Variants in ARHGEF3 observed in about 807,000 individuals in gnomAD.
The protein encoded by ARHGEF3 is 59.8 kDA protein.
Under a neutral mutation model 63.2 loss-of-function variants are expected in ARHGEF3, and 28 were observed. The observed-to-expected ratio is 0.44, with a 90% CI of 0.33 to 0.61. The LOEUF (loss-of-function observed/expected upper bound fraction) is 0.61, where lower values mean the gene tolerates loss of function less well. Ranked by LOEUF, ARHGEF3 falls within the 20% of genes least tolerant of loss-of-function variation. The pLI, the probability that ARHGEF3 is intolerant of heterozygous loss-of-function variation, is 0.03. For missense variants in ARHGEF3, 533 were observed against 659.3 expected, an observed-to-expected ratio of 0.81 and a Z score of 2.10; for synonymous variants, 266 against 254.2, an observed-to-expected ratio of 1.05 and a Z score of -0.44.
intron 4 of ARHGEF3, among the ~76,000 whole-genome samples, chr3:56,854,897 G>A (rs988801549): frequency 1.6e-4 from 24 of 152,190 alleles, no homozygotes; most frequent in African/African-American, 5.5e-4. Context: ...CACAAGAAGG[G>A]GTAACTGCAA....
chr3:56,882,952 C>T (rs1053648011), intron 3 of ARHGEF3, among the ~76,000 whole-genome samples: 3 of 152,144 alleles, frequency 2.0e-5, no homozygotes, highest in Admixed American at 2.0e-4. Context: ...TTCTAAATGT[C>T]TCCATATATC....
chr3:56,969,380 T>C (rs1424450233), intron 2 of ARHGEF3, among the ~76,000 whole-genome samples: 3 of 151,938 alleles, frequency 2.0e-5, no homozygotes, highest in African/African-American at 7.3e-5. Flanking sequence ...GTTCTTTTTT[T>C]CTTATTGATT....
intron 2 of ARHGEF3, among the ~76,000 whole-genome samples, chr3:56,967,873 AT>A (rs1700643160): frequency 1.3e-5 from 1 of 76,786 alleles, no homozygotes; most frequent in South Asian, 4.1e-4. Context: ...CATATATAAT[AT>A]ATAATATAAA....
At chr3:57,005,188 GA>G (rs1267745970) in intron 2 of ARHGEF3, among the ~76,000 whole-genome samples, 3 of 152,152 alleles carry the variant, frequency 2.0e-5, no homozygotes, top group African/African-American at 7.2e-5. Context: ...TGAGAGATGG[GA>G]ATGGGAACGT....
intron 2 of ARHGEF3, among the ~76,000 whole-genome samples, chr3:56,961,432 T>A (rs1700274465): frequency 1.3e-5 from 2 of 152,178 alleles, no homozygotes; most frequent in Admixed American, 6.5e-5. Context: ...ATCCAGAGGA[T>A]GCAGTCCCTC....
chr3:56,741,634 G>C (rs977822004), intron 7 of ARHGEF3, among the ~76,000 whole-genome samples: 24 of 147,870 alleles, frequency 1.6e-4, no homozygotes, highest in African/African-American at 6.0e-4. Context: ...CTCCCAAGTA[G>C]CTGGGACTAC....
intron 1 of ARHGEF3, among the ~76,000 whole-genome samples, chr3:56,798,135 G>A (rs2037462592): frequency 6.6e-6 from 1 of 152,132 alleles, no homozygotes. Context: ...TCATTTCTAG[G>A]TGCATGTCAT....
intron 1 of ARHGEF3, among the ~76,000 whole-genome samples, chr3:57,042,620 A>T (rs1704233369): frequency 7.0e-6 from 1 of 142,880 alleles, no homozygotes; most frequent in Non-Finnish European, 1.5e-5. Context: ...TGACTGTTAA[A>T]CATGTCCCAG....
At chr3:56,923,308 T>TAAGATAA (rs760647838) in intron 3 of ARHGEF3, among the ~76,000 whole-genome samples, 1 of 151,366 alleles carries the variant, frequency 6.6e-6, no homozygotes, top group Admixed American at 6.6e-5. Context: ...AATTTTTCCA[T>TAAGATAA]AATAAAATAT....
At chr3:56,887,616 T>C in intron 3 of ARHGEF3, among the ~76,000 whole-genome samples, 1 of 152,116 alleles carries the variant, frequency 6.6e-6, no homozygotes. Flanking sequence ...CCTGGGGGCG[T>C]TCCCAGGCAG....
At chr3:56,871,286 C>G (rs964989925) in intron 4 of ARHGEF3, among the ~76,000 whole-genome samples, 1 of 152,090 alleles carries the variant, frequency 6.6e-6, no homozygotes, top group Non-Finnish European at 1.5e-5. Flanking sequence ...CCCCTAAACA[C>G]TTCCATATTC....
intron 8 of ARHGEF3, among the ~76,000 whole-genome samples, chr3:56,733,170 C>T (rs571486380): frequency 4.6e-5 from 7 of 151,456 alleles, no homozygotes; most frequent in Admixed American, 3.9e-4. Flanking sequence ...GTAGTCCCAG[C>T]TACTTGGGAG....
chr3:57,071,899 T>C (rs1298378794), intron 1 of ARHGEF3, among the ~76,000 whole-genome samples: 1 of 152,080 alleles, frequency 6.6e-6, no homozygotes. Context: ...TCAGAATATA[T>C]AAAGAACACT....
intron 4 of ARHGEF3, among the ~76,000 whole-genome samples, chr3:56,818,935 T>C (rs2038368127): frequency 1.3e-5 from 2 of 152,164 alleles, no homozygotes; most frequent in Non-Finnish European, 2.9e-5. Context: ...AACTATTTCA[T>C]TCAAACAGCA....
intron 2 of ARHGEF3, among the ~76,000 whole-genome samples, chr3:56,974,310 T>C (rs962496849): frequency 6.6e-6 from 1 of 152,162 alleles, no homozygotes; most frequent in Non-Finnish European, 1.5e-5. Context: ...GTTATATAAA[T>C]ATCGAATTTT....
chr3:56,893,754 C>T (rs1456896366), intron 3 of ARHGEF3, among the ~76,000 whole-genome samples: 3 of 138,428 alleles, frequency 2.2e-5, no homozygotes, highest in African/African-American at 5.4e-5. Flanking sequence ...TGCAGTGAGC[C>T]GAGATCGCAC....
At chr3:56,890,857 T>G (rs948974318) in intron 3 of ARHGEF3, among the ~76,000 whole-genome samples, 2 of 152,234 alleles carry the variant, frequency 1.3e-5, no homozygotes. Flanking sequence ...GTGCAGCTCC[T>G]GACTTGGCAG....
intron 2 of ARHGEF3, among the ~76,000 whole-genome samples, chr3:57,030,638 C>A (rs35091700): frequency 0.011 from 1,665 of 152,292 alleles, 5 homozygotes; most frequent in Admixed American, 0.017. Context: ...CCTCAAAATT[C>A]TCTCCTTTGC....
chr3:56,779,601 A>G (rs1371671640), intron 1 of ARHGEF3, among the ~76,000 whole-genome samples: 2 of 151,998 alleles, frequency 1.3e-5, no homozygotes, highest in Non-Finnish European at 2.9e-5. Flanking sequence ...CACGCCATGG[A>G]CAATTCTTTA....
Sources: allele counts gnomAD v4.1 joint callset (sites outside exome capture counted in the v4.1 genomes callset), GRCh38; gene constraint gnomAD v4.1.1; transcripts MANE v1.5; gene names NCBI Gene and HGNC (gene_info 2026-07-23, HGNC 2026-07-21).